The following SHISA9 variants were observed in gnomAD, a reference collection of about 807,000 sequenced individuals.
SHISA9 encodes shisa family member 9.
Under a neutral mutation model 38.0 loss-of-function variants are expected in SHISA9, and 13 were observed. The observed-to-expected ratio is 0.34, with a 90% CI of 0.22 to 0.54. The LOEUF (loss-of-function observed/expected upper bound fraction) is 0.54. Ranked by LOEUF, SHISA9 falls within the 20% of genes least tolerant of loss-of-function variation. SHISA9 has a pLI of 0.91. For synonymous variants in SHISA9, 275 were observed against 242.0 expected (o/e 1.14, Z -1.27); for missense variants, 538 against 575.8 (o/e 0.93, Z 0.67).
At chr16:13,133,388 A>T (rs2050321819) in intron 2 of SHISA9, among the ~76,000 whole-genome samples, 2 of 152,172 alleles carry the variant, frequency 1.3e-5, no homozygotes, top group African/African-American at 4.8e-5. Context: ...AAAAAGTAAT[A>T]GTTTGGTAAG....
At chr16:13,121,112 T>C (rs1472600673) in intron 2 of SHISA9, among the ~76,000 whole-genome samples, 2 of 151,928 alleles carry the variant, frequency 1.3e-5, no homozygotes, top group African/African-American at 4.8e-5. Flanking sequence ...TGAGCTATGA[T>C]TGCATTCATT....
intron 2 of SHISA9, among the ~76,000 whole-genome samples, chr16:12,926,110 A>G (rs1248516005): frequency 1.3e-5 from 2 of 152,188 alleles, no homozygotes; most frequent in Non-Finnish European, 2.9e-5. Context: ...ACTGTGACTC[A>G]GAGAGTTTAA....
At chr16:13,090,278 G>A (rs1180078107) in intron 2 of SHISA9, among the ~76,000 whole-genome samples, 1 of 152,188 alleles carries the variant, frequency 6.6e-6, no homozygotes. Context: ...GGTATATTCT[G>A]TTGATTTGGT....
At chr16:12,908,838 C>G (rs1436338909) in intron 1 of SHISA9, 3 of 1,257,966 alleles carry the variant, frequency 2.4e-6, no homozygotes, top group East Asian at 3.7e-5. Flanking sequence ...GCTCTCTACA[C>G]TTGAAGCCAG....
At chr16:13,477,397 A>G in the SHISA9 span, among the ~76,000 whole-genome samples, 2 of 152,268 alleles carry the variant, frequency 1.3e-5, no homozygotes, top group East Asian at 1.9e-4. Context: ...GCAAAAGGAA[A>G]GAAAAAGAAT....
the SHISA9 span, among the ~76,000 whole-genome samples, chr16:13,311,303 G>A: frequency 6.6e-6 from 1 of 151,866 alleles, no homozygotes; most frequent in East Asian, 1.9e-4. Context: ...TTCCGCTAAA[G>A]AATAAAGATT....
chr16:13,336,768 C>T, the SHISA9 span, among the ~76,000 whole-genome samples: 1 of 152,172 alleles, frequency 6.6e-6, no homozygotes, highest in Non-Finnish European at 1.5e-5. Context: ...GCCTGCATTG[C>T]TTTGTCCATT....
intron 2 of SHISA9, among the ~76,000 whole-genome samples, chr16:13,011,008 C>T (rs2072665841): frequency 6.6e-6 from 1 of 152,034 alleles, no homozygotes; most frequent in South Asian, 2.1e-4. Context: ...GAATGGGATC[C>T]TTCCTCTCCG....
At chr16:13,206,386 CGATTTCAGTAT>C (rs1261987000) in intron 3 of SHISA9, among the ~76,000 whole-genome samples, 1 of 152,130 alleles carries the variant, frequency 6.6e-6, no homozygotes, top group Non-Finnish European at 1.5e-5. Flanking sequence ...ACTTGCTGAT[CGATTTCAGTAT>C]GAAATATGCT....
At chr16:13,071,598 T>TCCCTTCC (rs1329686953) in intron 2 of SHISA9, among the ~76,000 whole-genome samples, 5,142 of 141,246 alleles carry the variant, frequency 0.036, 125 homozygotes, top group Admixed American at 0.08. Flanking sequence ...CCTTCCTTCC[T>TCCCTTCC]TCCCTTTCTT....
chr16:13,167,683 C>A (rs1408889260), intron 2 of SHISA9, among the ~76,000 whole-genome samples: 4 of 152,294 alleles, frequency 2.6e-5, no homozygotes, highest in Admixed American at 2.0e-4. Flanking sequence ...CCCCTTCTCT[C>A]TCTTCCTCCT....
chr16:13,389,523 C>T, the SHISA9 span, among the ~76,000 whole-genome samples: 2 of 151,976 alleles, frequency 1.3e-5, no homozygotes, highest in East Asian at 1.9e-4. Flanking sequence ...AAAAAGAAAA[C>T]ATTTCATTGT....
chr16:13,454,062 CAT>C, the SHISA9 span, among the ~76,000 whole-genome samples: 1 of 152,280 alleles, frequency 6.6e-6, no homozygotes, highest in South Asian at 2.1e-4. Flanking sequence ...AGAAGGCAGA[CAT>C]ATCTACTTGA....
chr16:13,354,504 G>A, the SHISA9 span, among the ~76,000 whole-genome samples: 1 of 151,218 alleles, frequency 6.6e-6, no homozygotes, highest in African/African-American at 2.4e-5. Context: ...CAAAGAGTGA[G>A]TACAGCTGAA....
chr16:13,547,623 A>T, the SHISA9 span, among the ~76,000 whole-genome samples: 1 of 152,162 alleles, frequency 6.6e-6, no homozygotes, highest in African/African-American at 2.4e-5. Flanking sequence ...GGTTTGGATC[A>T]TGCTAACTCA....
the SHISA9 span, among the ~76,000 whole-genome samples, chr16:13,264,961 T>C: frequency 6.8e-6 from 1 of 146,598 alleles, no homozygotes; most frequent in African/African-American, 2.5e-5. Context: ...TCTCTTCCCT[T>C]CCCCTGTTTT....
intron 4 of SHISA9, among the ~76,000 whole-genome samples, chr16:13,215,244 T>C (rs530532074): frequency 6.6e-6 from 1 of 152,284 alleles, no homozygotes. Context: ...CCCAGATTCC[T>C]GGGCCTTACC....
At chr16:13,539,031 T>C in the SHISA9 span, among the ~76,000 whole-genome samples, 1 of 152,084 alleles carries the variant, frequency 6.6e-6, no homozygotes, top group Non-Finnish European at 1.5e-5. Flanking sequence ...GAGAAGCCTG[T>C]TCTGAACATG....
At chr16:13,285,644 C>A in the SHISA9 span, among the ~76,000 whole-genome samples, 2 of 151,948 alleles carry the variant, frequency 1.3e-5, no homozygotes, top group South Asian at 4.1e-4. Context: ...CTTTGGGGAC[C>A]TTCTTTGTTA....
Sources: gnomAD v4.1 joint callset for allele counts (sites outside exome capture counted in the v4.1 genomes callset) on GRCh38, gnomAD v4.1.1 for gene constraint, MANE v1.5 for transcripts, NCBI Gene and HGNC (gene_info 2026-07-23, HGNC 2026-07-21) for gene names.